Variants in MTMR12 observed in about 807,000 individuals in gnomAD.
The protein encoded by MTMR12 is myotubularin-related protein 12.
MTMR12 carries 33 observed loss-of-function variants against 96.7 expected under a neutral mutation model. The observed-to-expected ratio is 0.34, with a 90% CI of 0.26 to 0.46. The LOEUF (loss-of-function observed/expected upper bound fraction) is 0.46. MTMR12 is among the 20% of genes least tolerant of loss of function. The probability of loss-of-function intolerance (pLI) is 1.00; values close to 1 mark genes in which losing one functional copy is unlikely to be tolerated. For missense variants in MTMR12, 721 were observed against 896.1 expected, an observed-to-expected ratio of 0.80 and a Z score of 2.49; for synonymous variants, 298 against 327.2, an observed-to-expected ratio of 0.91 and a Z score of 0.96.
intron 13 of MTMR12, among the ~76,000 whole-genome samples, chr5:32,236,970 C>T (rs553101491): frequency 6.6e-4 from 101 of 152,334 alleles, no homozygotes; most frequent in Middle Eastern, 3.4e-3. Context: ...CAAGTCCCTT[C>T]CAGGACTGAA....
At chr5:32,252,373 T>C (rs1748966319) in intron 8 of MTMR12, among the ~76,000 whole-genome samples, 1 of 152,254 alleles carries the variant, frequency 6.6e-6, no homozygotes, top group African/African-American at 2.4e-5. Context: ...TACCACAATT[T>C]TTAAAGATTC....
At chr5:32,272,063 G>A (rs1028448947) in intron 3 of MTMR12, among the ~76,000 whole-genome samples, 158 bp from the exon 4 acceptor site, 5 of 152,012 alleles carry the variant, frequency 3.3e-5, no homozygotes, top group Admixed American at 6.6e-5. Flanking sequence ...AGGCCGACGC[G>A]GGCGGATCAC....
chr5:32,298,519 C>T (rs558922152), intron 1 of MTMR12, among the ~76,000 whole-genome samples: 5 of 152,130 alleles, frequency 3.3e-5, no homozygotes, highest in South Asian at 2.1e-4. Flanking sequence ...ATCCATGAAA[C>T]GACTCACTGA....
At position 32,263,215 on chromosome 5, in the gene MTMR12, A is replaced by G. The variant is rs1749441862; in HGVS notation, c.611T>C (p.Met204Thr). The part of the protein sequence containing the change: ...TVTDPKNHTV[M>T]FDTLKDWCWE... ...ACACCAGTCCTTAAGTGTGTCAAAC[A>G]TTACGGTATGGTTCTTGGGATCAGT... The change falls in exon 7 of 16, where the codon ATG (methionine) becomes ACG (threonine). Residue 204 changes from methionine (M) to threonine (T), a missense_variant. By Grantham distance (81) the Met-to-Thr change is moderately conservative. Transcript: ENST00000382142. 3 of 1,614,154 alleles carry G rather than the reference A, an allele frequency of 1.9e-6. No homozygotes were observed. Among genetic ancestry groups the G allele is most frequent in the Non-Finnish European group, 2.5e-6 (3 of 1,179,990 alleles).
chr5:32,228,568 TC>T lies in MTMR12; in HGVS notation c.*1209del, dbSNP rs1747838453. ...ATCATATATATGTGATATATATATA[TC>T]ATATATATATCATATATATGTGATA... On this transcript the variant is annotated 3_prime_UTR_variant, in exon 16 of 16. Transcript: ENST00000382142. 5.6e-5 allele frequency: 7 copies of T among 124,156 alleles called. No individual in the cohort carries two copies. Among genetic ancestry groups the T allele is most frequent in the African/African-American group, 2.4e-4 (6 of 25,010 alleles). 7.7% of individuals were successfully genotyped at this position (124,156 alleles called of 1,614,324 possible).
chr5:32,258,252 T>C (rs1184364762), intron 7 of MTMR12, among the ~76,000 whole-genome samples: 1 of 152,234 alleles, frequency 6.6e-6, no homozygotes, highest in African/African-American at 2.4e-5. Context: ...CCATCAAAAC[T>C]GTGAAGAATG....
chr5:32,267,691 G>C (rs1440579557), intron 6 of MTMR12, among the ~76,000 whole-genome samples: 1 of 152,134 alleles, frequency 6.6e-6, no homozygotes, highest in Non-Finnish European at 1.5e-5. Flanking sequence ...TTTCTAGAAT[G>C]CAAGAAATTC....
rs972063548 is a variant in MTMR12, at chr5:32,312,857, A to T, written c.-19T>A. 8.6e-6 allele frequency: 13 copies of T among 1,516,544 alleles called. No individual in the cohort carries two copies. Among genetic ancestry groups the T allele is most frequent in the African/African-American group, 7.2e-5 (5 of 69,294 alleles). 93.9% of individuals were successfully genotyped at this position (1,516,544 alleles called of 1,614,324 possible). ...CCAGCATACCGCCGCCCTGGGAAGC[A>T]GCGACGCGCGGACGCAGAGGCGGCG... On this transcript the variant is annotated 5_prime_UTR_variant, in exon 1 of 16. Transcript: ENST00000382142. The surrounding 1 kb of genome is among the most constrained non-coding windows in gnomAD (Gnocchi z 5.0).
intron 1 of MTMR12, among the ~76,000 whole-genome samples, chr5:32,304,656 G>C (rs1283946415): frequency 6.6e-6 from 1 of 152,186 alleles, no homozygotes; most frequent in Non-Finnish European, 1.5e-5. Context: ...TCTAAGTGTG[G>C]GGTCCCCACA....
rs115858418 is a variant in MTMR12, at chr5:32,260,346, G to A, written c.713+2767C>T. Among the ~76,000 whole-genome samples the A allele has an allele frequency of 2.4e-3, 367 of 151,808 alleles. 2 individuals carry two copies. The highest frequency in any genetic ancestry group is 8.6e-3 in the African/African-American group (357 of 41,392). On this transcript the variant is annotated intron_variant, in intron 7 of 15. Coordinates refer to ENST00000382142, the MANE Select transcript of MTMR12 (RefSeq NM_001040446.3). Reference sequence around the variant, plus strand: ...TTGGCATGCGACATGGAGAATGGATGCTGGGGCACCAGTGGATGGGGGAGA... The same window carrying A: ...TTGGCATGCGACATGGAGAATGGATACTGGGGCACCAGTGGATGGGGGAGA...
intron 8 of MTMR12, among the ~76,000 whole-genome samples, chr5:32,254,588 C>CTCAAACCTGTAA (rs60319902): frequency 1.3e-5 from 2 of 151,758 alleles, no homozygotes; most frequent in African/African-American, 4.8e-5. Flanking sequence ...GGCATGGTGG[C>CTCAAACCTGTAA]TCTCAACACT....
At chr5:32,272,207 C>T (rs576877647) in intron 3 of MTMR12, among the ~76,000 whole-genome samples, 37 of 152,098 alleles carry the variant, frequency 2.4e-4, no homozygotes, top group Non-Finnish European at 4.0e-4. Flanking sequence ...AGGAGAATGG[C>T]GTGAAACCAG....
intron 1 of MTMR12, among the ~76,000 whole-genome samples, chr5:32,302,314 T>A (rs1008927771): frequency 2.6e-5 from 4 of 152,248 alleles, no homozygotes; most frequent in African/African-American, 9.6e-5. Flanking sequence ...TTTGATTTTA[T>A]TTATGCTAGT....
intron 1 of MTMR12, among the ~76,000 whole-genome samples, chr5:32,304,502 T>G (rs1313343930): frequency 6.6e-6 from 1 of 152,204 alleles, no homozygotes; most frequent in Non-Finnish European, 1.5e-5. Context: ...AAGGTATACA[T>G]TTTTTTGTAG....
At chr5:32,295,082 A>C (rs1750875619) in intron 1 of MTMR12, among the ~76,000 whole-genome samples, 1 of 152,180 alleles carries the variant, frequency 6.6e-6, no homozygotes, top group Non-Finnish European at 1.5e-5. Flanking sequence ...CTAAAAACCA[A>C]AACAGGATTT....
chr5:32,247,943 T>A, intron 10 of MTMR12, 59 bp downstream of exon 10: 1 of 1,582,088 alleles, frequency 6.3e-7, no homozygotes, highest in Non-Finnish European at 8.6e-7. Context: ...TTTCACCTGA[T>A]CTGCATGGCA....
chr5:32,230,495 T>C (rs1747954376), intron 15 of MTMR12, 148 bp from the exon 16 acceptor site: 2 of 725,918 alleles, frequency 2.8e-6, no homozygotes, highest in Non-Finnish European at 4.5e-6. Context: ...ATTAACACGC[T>C]GTGACATCCA....
chr5:32,289,699 GT>G, intron 1 of MTMR12, among the ~76,000 whole-genome samples: 1 of 152,172 alleles, frequency 6.6e-6, no homozygotes, highest in East Asian at 1.9e-4. Context: ...GACTCATCCT[GT>G]TATTTCCCCA....
chr5:32,271,089 G>A, intron 4 of MTMR12, 142 bp from the exon 5 acceptor site: 2 of 964,512 alleles, frequency 2.1e-6, no homozygotes, highest in Non-Finnish European at 3.0e-6. Flanking sequence ...TTAAGTGACT[G>A]CCAAAGGAAG....
Sources: allele counts gnomAD v4.1 joint callset (sites outside exome capture counted in the v4.1 genomes callset), GRCh38; gene constraint gnomAD v4.1.1; non-coding constraint Gnocchi (gnomAD v3.1); transcripts MANE v1.5; gene names NCBI Gene and HGNC (gene_info 2026-07-23, HGNC 2026-07-21).